Variants in PRKCA observed in about 807,000 individuals in gnomAD.
PRKCA encodes the protein protein kinase C alpha type.
Under a neutral mutation model 87.0 loss-of-function variants are expected in PRKCA, and 27 were observed. That is an observed-to-expected ratio of 0.31 (90% confidence interval 0.23 to 0.43). The LOEUF is 0.43. Among genes scored for constraint, PRKCA ranks in the 20% least tolerant of loss-of-function variants. PRKCA has a pLI of 1.00. For missense variants in PRKCA, 518 were observed against 852.3 expected, an observed-to-expected ratio of 0.61 and a Z score of 4.88; for synonymous variants, 329 against 311.1, an observed-to-expected ratio of 1.06 and a Z score of -0.61.
At chr17:66,741,137 ACTG>A (rs1974151025) in intron 11 of PRKCA, among the ~76,000 whole-genome samples, 1 of 152,184 alleles carries the variant, frequency 6.6e-6, no homozygotes, top group Admixed American at 6.5e-5. Flanking sequence ...GATGGTAGTT[ACTG>A]CTTTTTATTA....
At chr17:66,314,875 ATG>A (rs56889057) in intron 2 of PRKCA, among the ~76,000 whole-genome samples, 29,072 of 148,454 alleles carry the variant, frequency 0.2, 2,950 homozygotes, top group Non-Finnish European at 0.24. Flanking sequence ...ATATATATAT[ATG>A]TGTGTGTGTG....
At chr17:66,306,293 C>A in intron 2 of PRKCA, 166 bp downstream of exon 2, 4 of 572,686 alleles carry the variant, frequency 7.0e-6, no homozygotes, top group Admixed American at 3.5e-5. Flanking sequence ...TTGGGGCCTA[C>A]TAATCTGCAT....
chr17:66,307,220 T>G (rs1391180555), intron 2 of PRKCA, among the ~76,000 whole-genome samples: 3 of 152,198 alleles, frequency 2.0e-5, no homozygotes, highest in Non-Finnish European at 4.4e-5. Context: ...AAACCCCTAC[T>G]GAGTGTATCA....
At chr17:66,334,705 T>G (rs185649277) in intron 2 of PRKCA, among the ~76,000 whole-genome samples, 121 of 152,324 alleles carry the variant, frequency 7.9e-4, no homozygotes, top group Non-Finnish European at 4.3e-4. Context: ...TGAAGGCTTC[T>G]CAAAACATTA....
chr17:66,750,542 G>A (rs919738140), intron 13 of PRKCA, among the ~76,000 whole-genome samples: 6 of 152,124 alleles, frequency 3.9e-5, no homozygotes, highest in Middle Eastern at 3.4e-3. Flanking sequence ...AATTCTCCCC[G>A]CCTTGGAGTT....
chr17:66,348,044 C>T (rs1335190323), intron 2 of PRKCA, among the ~76,000 whole-genome samples: 2 of 148,354 alleles, frequency 1.3e-5, no homozygotes, highest in African/African-American at 5.0e-5. Flanking sequence ...TGGGTTCAAG[C>T]GATTCTACTG....
At chr17:66,576,628 C>T (rs1364792308) in intron 3 of PRKCA, among the ~76,000 whole-genome samples, 1 of 152,126 alleles carries the variant, frequency 6.6e-6, no homozygotes, top group Admixed American at 6.5e-5. Flanking sequence ...TACCCATGTA[C>T]GACTTGACCA....
At chr17:66,595,359 A>G (rs1281336065) in intron 3 of PRKCA, among the ~76,000 whole-genome samples, 1 of 151,828 alleles carries the variant, frequency 6.6e-6, no homozygotes, top group Non-Finnish European at 1.5e-5. Context: ...TCGCAAGTAC[A>G]TCAGTCGTTG....
At chr17:66,541,359 C>T (rs894482606) in intron 3 of PRKCA, among the ~76,000 whole-genome samples, 3 of 152,204 alleles carry the variant, frequency 2.0e-5, no homozygotes, top group Non-Finnish European at 1.5e-5. Flanking sequence ...ATGAGGGGAC[C>T]TTTGCCCGAG....
chr17:66,567,394 C>T (rs1968934891), intron 3 of PRKCA, among the ~76,000 whole-genome samples: 1 of 152,124 alleles, frequency 6.6e-6, no homozygotes, highest in Non-Finnish European at 1.5e-5. Flanking sequence ...AGACTGACCC[C>T]TGCTGGCAGA....
chr17:66,612,724 G>C (rs1970403316), intron 3 of PRKCA, among the ~76,000 whole-genome samples: 1 of 151,348 alleles, frequency 6.6e-6, no homozygotes, highest in South Asian at 2.1e-4. Flanking sequence ...TGATTCTGTT[G>C]GAGGTTTTTT....
chr17:66,560,409 A>G (rs1968641735), intron 3 of PRKCA, among the ~76,000 whole-genome samples: 1 of 152,214 alleles, frequency 6.6e-6, no homozygotes, highest in South Asian at 2.1e-4. Flanking sequence ...TCAGGAAAGC[A>G]CAAAAAATTG....
intron 3 of PRKCA, among the ~76,000 whole-genome samples, chr17:66,593,670 C>G (rs1969884244): frequency 6.6e-6 from 1 of 152,204 alleles, no homozygotes; most frequent in Admixed American, 6.5e-5. Context: ...TTCTTTCTGT[C>G]TAGCAGAATG....
intron 2 of PRKCA, among the ~76,000 whole-genome samples, chr17:66,365,380 G>A (rs939993284): frequency 3.9e-5 from 6 of 152,190 alleles, no homozygotes; most frequent in African/African-American, 1.2e-4. Context: ...AGGAAGAAAA[G>A]GAGAGGGTGT....
rs140230503 is a variant in PRKCA at position 66,381,822 on chromosome 17, C to T, written c.205+75695C>T. Among the ~76,000 whole-genome samples the T allele has an allele frequency of 3.0e-4, 45 of 152,236 alleles. No individual in the cohort carries two copies. In the East Asian group the frequency reaches 4.4e-3, roughly 15 times the overall value. On this transcript the variant is annotated intron_variant, in intron 2 of 16. Transcript: ENST00000413366. ...GTGATTTCTCTCTGACCTGTTGTTT[C>T]CAAAGCAACAGCATGTGGCCAGTCA...
intron 3 of PRKCA, among the ~76,000 whole-genome samples, chr17:66,528,209 G>A (rs905885268): frequency 1.0e-4 from 10 of 95,830 alleles, no homozygotes; most frequent in Non-Finnish European, 1.4e-4. Context: ...CAGAGCAAAC[G>A]AAACTCTGTC....
At chr17:66,456,449 A>T (rs1384845055) in intron 2 of PRKCA, among the ~76,000 whole-genome samples, 1 of 152,192 alleles carries the variant, frequency 6.6e-6, no homozygotes, top group Non-Finnish European at 1.5e-5. Flanking sequence ...CCAAGGCTCT[A>T]TAAGAGGCCA....
At chr17:66,397,753 G>A (rs1910776633) in intron 2 of PRKCA, among the ~76,000 whole-genome samples, 1 of 152,096 alleles carries the variant, frequency 6.6e-6, no homozygotes, top group Non-Finnish European at 1.5e-5. Context: ...CATGGGGGGT[G>A]TGAGCCATTC....
In PRKCA at chr17:66,723,168, G is replaced by GA. The variant is rs1973656221; in HGVS notation, c.919-9520_919-9519insA. Among the ~76,000 whole-genome samples the GA allele has an allele frequency of 2.0e-5, 3 of 152,002 alleles. No homozygotes were observed. In the South Asian group the frequency reaches 6.2e-4, roughly 32 times the overall value. On this transcript the variant is annotated intron_variant, in intron 8 of 16. Coordinates refer to ENST00000413366, the MANE Select transcript of PRKCA (RefSeq NM_002737.3). ...CCTCACACATCTCTGCAGGTCACAG[G>GA]TTTCTGGTCTGTGAGTTAGCCCACA...
Sources: gnomAD v4.1 joint callset for allele counts (sites outside exome capture counted in the v4.1 genomes callset) on GRCh38, gnomAD v4.1.1 for gene constraint, MANE v1.5 for transcripts, NCBI Gene and HGNC (gene_info 2026-07-23, HGNC 2026-07-21) for gene names.